NHSL1: variants seen among roughly 807,000 people sequenced by gnomAD.
NHSL1 encodes NHS like 1, also known as NHS-like protein 1.
A neutral mutation model predicts 95.0 loss-of-function variants in NHSL1; 48 were observed. The observed-to-expected ratio is 0.51, with a 90% confidence interval of 0.40 to 0.64. The LOEUF is 0.64. Among genes scored for constraint, NHSL1 ranks in the 30% least tolerant of loss-of-function variants. The pLI, the probability that NHSL1 is intolerant of heterozygous loss-of-function variation, is 0.00. For synonymous variants in NHSL1, 783 were observed against 833.9 expected (o/e 0.94, Z 1.05); for missense variants, 1,971 against 2,077.7 (o/e 0.95, Z 1.00).
intron 1 of NHSL1, among the ~76,000 whole-genome samples, chr6:138,567,066 T>G (rs748336791): frequency 1.3e-5 from 2 of 151,490 alleles, no homozygotes; most frequent in Non-Finnish European, 2.9e-5. Flanking sequence ...TAGGTTTTCT[T>G]AATGCCAGAA....
chr6:138,442,999 T>C (rs1029271697), intron 4 of NHSL1, among the ~76,000 whole-genome samples: 12 of 152,016 alleles, frequency 7.9e-5, no homozygotes, highest in African/African-American at 2.7e-4. Context: ...GTTATTCTCC[T>C]CAAAAAGTTA....
chr6:138,478,012 C>CTTT (rs71009589), intron 2 of NHSL1, among the ~76,000 whole-genome samples: 479 of 30,012 alleles, frequency 0.016, 44 homozygotes, highest in African/African-American at 0.026. Flanking sequence ...ATTTATGTCA[C>CTTT]TTTTTTTTTT....
chr6:138,536,189 C>A (rs758850571), intron 1 of NHSL1, among the ~76,000 whole-genome samples: 1 of 152,188 alleles, frequency 6.6e-6, no homozygotes, highest in Admixed American at 6.5e-5. Flanking sequence ...AGCTCATAGA[C>A]ACTTTATCTT....
exon 1 of NHSL1, chr6:138,571,932 G>A (rs181691311): frequency 0.012 from 18,079 of 1,548,828 alleles, 134 homozygotes; most frequent in Non-Finnish European, 0.014. Context: ...AAATCAACTA[G>A]AGACAAAGAA....
chr6:138,561,506 C>A (rs1404745878), intron 1 of NHSL1, among the ~76,000 whole-genome samples: 2 of 152,188 alleles, frequency 1.3e-5, no homozygotes, highest in Non-Finnish European at 2.9e-5. Context: ...CTAATGAGCT[C>A]CCACTCTAGG....
At chr6:138,509,566 C>A (rs1313320778) in intron 1 of NHSL1, among the ~76,000 whole-genome samples, 2 of 152,132 alleles carry the variant, frequency 1.3e-5, no homozygotes, top group Non-Finnish European at 2.9e-5. Flanking sequence ...TAGAAGGTCG[C>A]CACCTACAGG....
At chr6:138,469,420 T>C (rs1179452218) in intron 3 of NHSL1, among the ~76,000 whole-genome samples, 2 of 152,164 alleles carry the variant, frequency 1.3e-5, no homozygotes, top group African/African-American at 4.8e-5. Context: ...ACTTGTTAAC[T>C]TTATATAGTT....
At chr6:138,489,533 G>A (rs901511740) in intron 2 of NHSL1, among the ~76,000 whole-genome samples, 14 of 152,058 alleles carry the variant, frequency 9.2e-5, no homozygotes, top group East Asian at 5.9e-4. Context: ...TTGGGAGGCC[G>A]AGGCAGGTGG....
At chr6:138,574,006 C>CAAG (rs1345549163), upstream of NHSL1, among the ~76,000 whole-genome samples, 3 of 152,116 alleles carry the variant, frequency 2.0e-5, no homozygotes, top group Non-Finnish European at 4.4e-5. Flanking sequence ...TGGCATGATG[C>CAAG]AAGCTCTGCC....
chr6:138,637,265 A>G (rs1784900288), intron 1 of NHSL1, among the ~76,000 whole-genome samples: 1 of 152,192 alleles, frequency 6.6e-6, no homozygotes. Flanking sequence ...TAAAGACTTC[A>G]ATCTTAGACC....
At chr6:138,498,493 C>T (rs1010561727) in intron 1 of NHSL1, among the ~76,000 whole-genome samples, 1 of 152,142 alleles carries the variant, frequency 6.6e-6, no homozygotes, top group Non-Finnish European at 1.5e-5. Flanking sequence ...AATGCCCCTA[C>T]CCATGTTCAT....
rs1388170051 is a variant in NHSL1, at chr6:138,422,255, C to T, written c.*1826G>A. The T allele has an allele frequency of 6.6e-6, 1 of 152,248 alleles. No homozygotes were observed. Among genetic ancestry groups the T allele is most frequent in the Non-Finnish European group, 1.5e-5 (1 of 68,016 alleles). 9.4% of individuals were successfully genotyped at this position (152,248 alleles called of 1,614,324 possible). Reference sequence around the variant, plus strand: ...AGATTTCATATTCAAAAGCCAATGCCACTTTTCTAAAGAAACGATCTTTGT... The same window carrying T: ...AGATTTCATATTCAAAAGCCAATGCTACTTTTCTAAAGAAACGATCTTTGT... On this transcript the variant is annotated 3_prime_UTR_variant, in exon 8 of 8. Coordinates refer to ENST00000343505, the MANE Select transcript of NHSL1 (RefSeq NM_001144060.2).
rs1562259265 is a variant in NHSL1 at position 138,431,371 on chromosome 6, G to A, written c.2974C>T (p.Pro992Ser). Residue 992 changes from proline (P) to serine (S), a missense_variant, in exon 6 of 8, where the codon CCT becomes TCT. Pro to Ser is a moderately conservative substitution (Grantham distance 74). Around this residue, in one of 3 missense-constraint regions of NHSL1, gnomAD observed 1,602 missense variants for 1,654.5 expected, o/e 0.97. Transcript: ENST00000343505. The surrounding 1 kb of genome is among the most constrained non-coding windows in gnomAD (Gnocchi z 4.0). ...FCSPPDWCLS[P>S]PRPALSPILP... ...ATGGGGCTCAGTGCAGGGCGGGGAGGAGAAAGGCACCAATCAGGTGGGGAG... is the reference window on the plus strand; with the variant it reads ...ATGGGGCTCAGTGCAGGGCGGGGAGAAGAAAGGCACCAATCAGGTGGGGAG... 4 of 1,547,236 alleles carry A rather than the reference G, an allele frequency of 2.6e-6. No individual in the cohort carries two copies. Among genetic ancestry groups the A allele is most frequent in the South Asian group, 1.2e-5 (1 of 83,092 alleles).
chr6:138,591,882 G>C (rs948231683), intron 1 of NHSL1, among the ~76,000 whole-genome samples: 1 of 152,204 alleles, frequency 6.6e-6, no homozygotes, highest in East Asian at 1.9e-4. Context: ...TTACTGAACA[G>C]ACTACTCGGT....
chr6:138,495,937 G>A (rs796547999), intron 2 of NHSL1, among the ~76,000 whole-genome samples: 6 of 152,046 alleles, frequency 3.9e-5, no homozygotes, highest in Non-Finnish European at 7.4e-5. Context: ...TCACTATCAT[G>A]AGAACAGTAT....
chr6:138,532,846 A>C (rs191261928), intron 1 of NHSL1, among the ~76,000 whole-genome samples: 12 of 152,230 alleles, frequency 7.9e-5, no homozygotes, highest in African/African-American at 2.9e-4. Context: ...TAATCTAATA[A>C]GATCTCAACT....
intron 1 of NHSL1, among the ~76,000 whole-genome samples, chr6:138,666,911 A>C (rs1222506282): frequency 1.3e-5 from 2 of 152,180 alleles, no homozygotes; most frequent in Non-Finnish European, 2.9e-5. Flanking sequence ...CAGACTAAAA[A>C]TATAAATATA....
At chr6:138,436,317 C>A (rs112810742) in intron 5 of NHSL1, among the ~76,000 whole-genome samples, 23 of 152,198 alleles carry the variant, frequency 1.5e-4, no homozygotes, top group African/African-American at 5.3e-4. Context: ...AGAACATACA[C>A]AAATAAAAAA....
intron 2 of NHSL1, among the ~76,000 whole-genome samples, chr6:138,489,653 T>C (rs1266448604): frequency 6.7e-6 from 1 of 149,984 alleles, no homozygotes; most frequent in African/African-American, 2.5e-5. Context: ...TCCCAGCTAC[T>C]CAGGGTGCTG....
Sources: allele counts gnomAD v4.1 joint callset (sites outside exome capture counted in the v4.1 genomes callset), GRCh38; gene constraint gnomAD v4.1.1; regional missense constraint gnomAD v4.1.1; non-coding constraint Gnocchi (gnomAD v3.1); transcripts MANE v1.5; gene names NCBI Gene and HGNC (gene_info 2026-07-23, HGNC 2026-07-21).